The following DMXL1 variants were observed in gnomAD, a reference collection of about 807,000 sequenced individuals.
DMXL1 encodes the protein dmX-like protein 1.
In DMXL1, 99 loss-of-function variants were observed where a neutral mutation model predicts 319.2. The observed-to-expected ratio is 0.31, with a 90% CI of 0.26 to 0.37. The LOEUF is 0.37. Among genes scored for constraint, DMXL1 ranks in the 10% least tolerant of loss-of-function variants. DMXL1 has a pLI of 1.00. For missense variants in DMXL1, 3,745 were observed against 3,595.6 expected (o/e 1.04, Z -1.06); for synonymous variants, 1,385 against 1,235.2 (o/e 1.12, Z -2.54).
At position 119,237,376 on chromosome 5, in the gene DMXL1, T is replaced by A; in HGVS notation, c.8521T>A (p.Cys2841Ser). Residue 2841 changes from cysteine (C) to serine (S), a missense_variant, in exon 40 of 44, where the codon TGT (cysteine) becomes AGT (serine). By Grantham distance (112) the Cys-to-Ser change is moderately radical. Coordinates refer to ENST00000539542, the MANE Select transcript of DMXL1 (RefSeq NM_001290321.3). ...AAGTTTGTATCAAACAAACTGGAAATGTTGTCCAGTTACTGGAAGCATGCC... is the reference window on the plus strand; with the variant it reads ...AAGTTTGTATCAAACAAACTGGAAAAGTTGTCCAGTTACTGGAAGCATGCC... The part of the protein sequence containing the change: ...YLSLYQTNWK[C>S]CPVTGSMPKP... 1 of 1,605,042 alleles carries A rather than the reference T, an allele frequency of 6.2e-7. No homozygotes were observed. The highest frequency in any genetic ancestry group is 1.1e-5 in the South Asian group (1 of 89,540).
chr5:119,223,964 CA>C (rs923652530), intron 37 of DMXL1, among the ~76,000 whole-genome samples: 3 of 151,804 alleles, frequency 2.0e-5, no homozygotes, highest in African/African-American at 7.3e-5. Flanking sequence ...AAACTAATAG[CA>C]AAAAAATATC....
At chr5:119,105,038 A>G (rs183286016) in intron 3 of DMXL1, 142 bp from the exon 4 acceptor site, 74 of 585,292 alleles carry the variant, frequency 1.3e-4, no homozygotes, top group East Asian at 1.2e-3. Flanking sequence ...TGTGTTCTCT[A>G]TTTTTGTTGA....
chr5:119,104,852 T>C (rs1380774125), intron 3 of DMXL1, among the ~76,000 whole-genome samples: 1 of 152,198 alleles, frequency 6.6e-6, no homozygotes, highest in Admixed American at 6.5e-5. Flanking sequence ...AAATGTCAAA[T>C]AGTAAAGCCA....
At chr5:119,194,076 A>T in intron 30 of DMXL1, 106 bp downstream of exon 30, 3 of 745,728 alleles carry the variant, frequency 4.0e-6, no homozygotes, top group Non-Finnish European at 5.9e-6. Flanking sequence ...ACTTTATAAC[A>T]CATTATAACC....
chr5:119,121,196 AACT>A, intron 9 of DMXL1, 57 bp downstream of exon 9: 1 of 1,386,236 alleles, frequency 7.2e-7, no homozygotes, highest in Non-Finnish European at 9.7e-7. Context: ...ATTTTATAAC[AACT>A]AAGTTATACT....
intron 39 of DMXL1, among the ~76,000 whole-genome samples, chr5:119,236,051 C>G (rs559046993): frequency 6.6e-6 from 1 of 151,370 alleles, no homozygotes; most frequent in Non-Finnish European, 1.5e-5. Flanking sequence ...TTAGTCATAT[C>G]AGTTAAATTT....
At chr5:119,141,082 C>G (rs561390943) in intron 13 of DMXL1, among the ~76,000 whole-genome samples, 1 of 152,134 alleles carries the variant, frequency 6.6e-6, no homozygotes, top group Admixed American at 6.6e-5. Flanking sequence ...TCTCAATAAA[C>G]TAGGTGTTGA....
chr5:119,096,877 GT>G (rs1756091107), intron 1 of DMXL1, among the ~76,000 whole-genome samples: 1 of 152,220 alleles, frequency 6.6e-6, no homozygotes, highest in African/African-American at 2.4e-5. Context: ...AGGCCCTTGT[GT>G]TAGAATTGAG....
At chr5:119,088,406 A>G (rs1300308801) in intron 1 of DMXL1, among the ~76,000 whole-genome samples, 1 of 151,758 alleles carries the variant, frequency 6.6e-6, no homozygotes, top group Non-Finnish European at 1.5e-5. Flanking sequence ...TTATTCAGCC[A>G]CTCTGTGCCT....
intron 42 of DMXL1, among the ~76,000 whole-genome samples, chr5:119,243,952 T>G (rs2150756409): frequency 6.6e-6 from 1 of 152,362 alleles, no homozygotes; most frequent in South Asian, 2.1e-4. Flanking sequence ...GACAACTTAC[T>G]TGGAAACAGT....
chr5:119,161,919 G>A (rs1772358743), intron 19 of DMXL1, among the ~76,000 whole-genome samples: 1 of 152,178 alleles, frequency 6.6e-6, no homozygotes, highest in African/African-American at 2.4e-5. Context: ...TACCACCAAC[G>A]TCTGCAGGCT....
At chr5:119,209,340 C>T (rs1244739192) in intron 34 of DMXL1, among the ~76,000 whole-genome samples, 9 of 150,334 alleles carry the variant, frequency 6.0e-5, no homozygotes, top group Non-Finnish European at 1.0e-4. Flanking sequence ...TGTACGAAAT[C>T]CCATTCTATT....
intron 38 of DMXL1, among the ~76,000 whole-genome samples, chr5:119,228,899 A>G (rs1428518603): frequency 1.3e-5 from 2 of 152,174 alleles, no homozygotes; most frequent in East Asian, 1.9e-4. Context: ...TGTTGTAGGA[A>G]AAAAACCTTA....
At chr5:119,088,932 C>G (rs1753968692) in intron 1 of DMXL1, among the ~76,000 whole-genome samples, 1 of 151,838 alleles carries the variant, frequency 6.6e-6, no homozygotes, top group African/African-American at 2.4e-5. Flanking sequence ...CAGTATTCTT[C>G]TAGATTTGTC....
chr5:119,071,398 C>G lies in DMXL1; in HGVS notation c.-172C>G, dbSNP rs1338691246. On this transcript the variant is annotated 5_prime_UTR_variant, in exon 1 of 44. Coordinates refer to ENST00000539542, the MANE Select transcript of DMXL1 (RefSeq NM_001290321.3). ...CCTCCGGGCCTCGCCCTCCGGGGCTCGGGATGAGTCGCGGGCCCCAGCTGA... is the reference window on the plus strand; with the variant it reads ...CCTCCGGGCCTCGCCCTCCGGGGCTGGGGATGAGTCGCGGGCCCCAGCTGA... 3.2e-6 allele frequency: 2 copies of G among 620,374 alleles called. No individual in the cohort carries two copies. The highest frequency in any genetic ancestry group is 5.5e-6 in the Non-Finnish European group (2 of 366,536). The allele number at this position is 620,374 out of a possible 1,614,324, so 38.4% of individuals were successfully genotyped here.
chr5:119,245,595 A>C (rs1165180523), intron 43 of DMXL1, among the ~76,000 whole-genome samples: 1 of 148,884 alleles, frequency 6.7e-6, no homozygotes, highest in African/African-American at 2.5e-5. Context: ...GCTGGAGCAC[A>C]GTGGCACGAT....
In DMXL1 at chr5:119,149,889, T is replaced by C. The variant is rs921372423; in HGVS notation, c.4062T>C (p.Ala1354=). Residue 1354 remains alanine (A), a synonymous_variant, in exon 18 of 44, where the codon GCT becomes GCC. Coordinates refer to ENST00000539542, the MANE Select transcript of DMXL1 (RefSeq NM_001290321.3). ...AILSHLVKCI[A]GEVVALNEAE... ...TGTCCCATCTTGTTAAGTGCATTGC[T>C]GGGGAAGTTGTGGCTCTGAATGAAG... 1.2e-6 allele frequency: 2 copies of C among 1,613,784 alleles called. No homozygotes were observed. Among genetic ancestry groups the C allele is most frequent in the African/African-American group, 2.7e-5 (2 of 74,910 alleles).
intron 38 of DMXL1, among the ~76,000 whole-genome samples, chr5:119,226,980 A>C (rs1426639468): frequency 6.6e-6 from 1 of 152,160 alleles, no homozygotes; most frequent in African/African-American, 2.4e-5. Flanking sequence ...AGCTCATCAG[A>C]TCTCCTTGTT....
chr5:119,124,844 G>A (rs1287449489), intron 9 of DMXL1, among the ~76,000 whole-genome samples: 1 of 152,144 alleles, frequency 6.6e-6, no homozygotes, highest in Non-Finnish European at 1.5e-5. Context: ...TGGGATTACA[G>A]GCGTGAGTCA....
Sources: gnomAD v4.1 joint callset for allele counts (sites outside exome capture counted in the v4.1 genomes callset) on GRCh38, gnomAD v4.1.1 for gene constraint, MANE v1.5 for transcripts, NCBI Gene and HGNC (gene_info 2026-07-23, HGNC 2026-07-21) for gene names.